The following HHAT variants were observed in gnomAD, a reference collection of about 807,000 sequenced individuals.
HHAT encodes the protein protein-cysteine N-palmitoyltransferase HHAT.
In HHAT, 47 loss-of-function variants were observed where a neutral mutation model predicts 70.8. The ratio of observed to expected loss-of-function variants is 0.66; its 90% CI spans 0.53 to 0.85. The LOEUF (loss-of-function observed/expected upper bound fraction) is 0.85, where lower values mean the gene tolerates loss of function less well. Among genes scored for constraint, HHAT ranks in the 40% least tolerant of loss-of-function variants. The pLI, the probability that HHAT is intolerant of heterozygous loss-of-function variation, is 0.00. For synonymous variants in HHAT, 228 were observed against 247.6 expected (o/e 0.92, Z 0.74); for missense variants, 609 against 604.8 (o/e 1.01, Z -0.07).
chr1:210,497,949 A>G (rs1338458063), intron 8 of HHAT, among the ~76,000 whole-genome samples: 3 of 151,998 alleles, frequency 2.0e-5, no homozygotes, highest in Non-Finnish European at 4.4e-5. Context: ...TATTTTTAGT[A>G]GAGGCTAATG....
intron 9 of HHAT, among the ~76,000 whole-genome samples, chr1:210,522,806 C>T (rs2148610995): frequency 6.6e-6 from 1 of 151,674 alleles, no homozygotes; most frequent in Middle Eastern, 3.4e-3. Context: ...ATCAGAGTAA[C>T]AGGATTCGAA....
chr1:210,442,347 G>A (rs1305755173), intron 7 of HHAT, among the ~76,000 whole-genome samples: 3 of 139,170 alleles, frequency 2.2e-5, no homozygotes, highest in Admixed American at 7.5e-5. Context: ...ATGATTTATA[G>A]TCCTTTGGGT....
intron 8 of HHAT, among the ~76,000 whole-genome samples, chr1:210,491,073 G>A (rs937329206): frequency 1.3e-5 from 2 of 150,640 alleles, no homozygotes; most frequent in African/African-American, 4.9e-5. Flanking sequence ...TAGTGTGTGT[G>A]TGTGTGTGTG....
chr1:210,570,563 C>A (rs1022737418), intron 9 of HHAT, among the ~76,000 whole-genome samples: 1 of 152,098 alleles, frequency 6.6e-6, no homozygotes, highest in Admixed American at 6.6e-5. Flanking sequence ...AGGAAGACAG[C>A]GAGCCACAGA....
chr1:210,634,010 A>G (rs1558320092), intron 11 of HHAT, among the ~76,000 whole-genome samples: 1 of 152,210 alleles, frequency 6.6e-6, no homozygotes, highest in South Asian at 2.1e-4. Context: ...ACATTTTTAC[A>G]TGACCTTGGG....
rs568684514 is a variant in HHAT, at chr1:210,626,789, G to A, written c.1390+3119G>A. ...TACGATGCTCCCTCAGTCTCTGCTGGGGGTGTTCATATATGAGCTTTCTAA... is the reference window on the plus strand; with the variant it reads ...TACGATGCTCCCTCAGTCTCTGCTGAGGGTGTTCATATATGAGCTTTCTAA... On this transcript the variant is annotated intron_variant, in intron 11 of 11. Transcript: ENST00000261458. Among the ~76,000 whole-genome samples the A allele has an allele frequency of 1.1e-3, 161 of 152,154 alleles. 1 individual carries two copies. The highest frequency in any genetic ancestry group is 3.8e-3 in the African/African-American group (156 of 41,506).
chr1:210,495,746 G>A (rs747509988), intron 8 of HHAT, among the ~76,000 whole-genome samples: 9 of 152,102 alleles, frequency 5.9e-5, no homozygotes, highest in Non-Finnish European at 1.0e-4. Flanking sequence ...GGTGGCTCAC[G>A]CCTGTAATCC....
chr1:210,357,190 T>G (rs1343552826), intron 2 of HHAT, among the ~76,000 whole-genome samples: 1 of 152,242 alleles, frequency 6.6e-6, no homozygotes, highest in East Asian at 1.9e-4. Context: ...CTCCTTGCAC[T>G]GGCATTTTCC....
At chr1:210,445,412 G>T (rs1225983506) in intron 7 of HHAT, among the ~76,000 whole-genome samples, 1 of 152,100 alleles carries the variant, frequency 6.6e-6, no homozygotes, top group Admixed American at 6.5e-5. Flanking sequence ...CTCATGTGGT[G>T]AAATAATCTT....
intron 10 of HHAT, among the ~76,000 whole-genome samples, chr1:210,601,345 A>G (rs1161414912): frequency 1.3e-5 from 2 of 152,276 alleles, no homozygotes; most frequent in East Asian, 3.9e-4. Context: ...GTTAGGGGTC[A>G]GTAGTCCAAG....
At chr1:210,629,019 C>G (rs907768679) in intron 11 of HHAT, among the ~76,000 whole-genome samples, 1 of 152,174 alleles carries the variant, frequency 6.6e-6, no homozygotes, top group African/African-American at 2.4e-5. Context: ...GATTGTGTCT[C>G]TACCTCACTG....
At chr1:210,330,773 G>A (rs982452107) in intron 1 of HHAT, among the ~76,000 whole-genome samples, 1 of 152,150 alleles carries the variant, frequency 6.6e-6, no homozygotes, top group African/African-American at 2.4e-5. Context: ...TTCATGGACT[G>A]GGGGAAGGGG....
At chr1:210,569,523 A>G (rs568544169) in intron 9 of HHAT, among the ~76,000 whole-genome samples, 1 of 152,062 alleles carries the variant, frequency 6.6e-6, no homozygotes, top group East Asian at 1.9e-4. Context: ...TGTAATGTAC[A>G]ATTACATTTT....
intron 7 of HHAT, among the ~76,000 whole-genome samples, chr1:210,454,129 C>G (rs779446445): frequency 1.7e-4 from 26 of 152,164 alleles, no homozygotes; most frequent in Non-Finnish European, 3.2e-4. Context: ...CCGCTGGGTT[C>G]CTCCTGCAAC....
intron 9 of HHAT, among the ~76,000 whole-genome samples, chr1:210,527,393 T>C (rs1345802096): frequency 6.6e-6 from 1 of 152,200 alleles, no homozygotes; most frequent in African/African-American, 2.4e-5. Context: ...ACTTTCCTTA[T>C]CTGTAAAATG....
At chr1:210,435,342 A>G (rs147546850) in intron 7 of HHAT, among the ~76,000 whole-genome samples, 1 of 149,154 alleles carries the variant, frequency 6.7e-6, no homozygotes, top group African/African-American at 2.5e-5. Flanking sequence ...TCCACTGTCT[A>G]TATATTTCAA....
chr1:210,639,135 C>G (rs916936681), intron 11 of HHAT, among the ~76,000 whole-genome samples: 1 of 152,128 alleles, frequency 6.6e-6, no homozygotes, highest in African/African-American at 2.4e-5. Flanking sequence ...TCCATTTTAT[C>G]CATTCATCCA....
At chr1:210,517,990 T>G (rs547797065) in intron 9 of HHAT, among the ~76,000 whole-genome samples, 9 of 152,300 alleles carry the variant, frequency 5.9e-5, no homozygotes, top group African/African-American at 2.2e-4. Flanking sequence ...GTATTTATAT[T>G]TATGGGGTAC....
chr1:210,579,304 A>ACT (rs1347119298), intron 9 of HHAT, among the ~76,000 whole-genome samples: 1 of 152,130 alleles, frequency 6.6e-6, no homozygotes, highest in African/African-American at 2.4e-5. Context: ...AAATAGTCAA[A>ACT]CTCATAGAAG....
Sources: gnomAD v4.1 joint callset for allele counts (sites outside exome capture counted in the v4.1 genomes callset) on GRCh38, gnomAD v4.1.1 for gene constraint, MANE v1.5 for transcripts, NCBI Gene and HGNC (gene_info 2026-07-23, HGNC 2026-07-21) for gene names.